DYTN: variants seen among roughly 807,000 people sequenced by gnomAD.
The protein encoded by DYTN is dystrotelin.
A neutral mutation model predicts 69.6 loss-of-function variants in DYTN; 75 were observed. That is an observed-to-expected ratio of 1.08 (90% CI 0.89 to 1.31). The LOEUF (loss-of-function observed/expected upper bound fraction) is 1.31. Among genes scored for constraint, DYTN ranks in the 50% most tolerant of loss-of-function variants. The probability of loss-of-function intolerance (pLI) is 0.00; values close to 1 mark genes in which losing one functional copy is unlikely to be tolerated. For synonymous variants in DYTN, 252 were observed against 249.1 expected, an observed-to-expected ratio of 1.01 and a Z score of -0.11; for missense variants, 726 against 688.4, an observed-to-expected ratio of 1.05 and a Z score of -0.61.
chr2:206,656,746 T>A lies in DYTN; in HGVS notation c.1634-4825A>T, dbSNP rs115892947. Among the ~76,000 whole-genome samples the A allele has an allele frequency of 8.5e-3, 1,279 of 151,180 alleles. 8 individuals are homozygous for A. Among genetic ancestry groups the A allele is most frequent in the Middle Eastern group, 0.051 (15 of 294 alleles). On this transcript the variant is annotated intron_variant, in intron 11 of 11. Coordinates refer to ENST00000452335, the MANE Select transcript of DYTN (RefSeq NM_001093730.1). ...AAAAAGTTTTCACTTTTAGTTCCCA[T>A]ACACTTTTCTAAATAGTCTTTTTTT... is the stretch of plus-strand genomic sequence containing the variant.
chr2:206,695,601 C>T (rs1183127000), intron 7 of DYTN, among the ~76,000 whole-genome samples: 4 of 152,150 alleles, frequency 2.6e-5, no homozygotes, highest in Non-Finnish European at 5.9e-5. Context: ...TCCCATAATA[C>T]TCAGGAAACT....
chr2:206,694,071 TG>T (rs1161141984), intron 8 of DYTN, among the ~76,000 whole-genome samples: 1 of 152,202 alleles, frequency 6.6e-6, no homozygotes, highest in Admixed American at 6.5e-5. Flanking sequence ...TTCGCTATTG[TG>T]GTATTTGAGG....
At chr2:206,714,656 C>T (rs1700110611) in intron 1 of DYTN, among the ~76,000 whole-genome samples, 1 of 150,512 alleles carries the variant, frequency 6.6e-6, no homozygotes, top group African/African-American at 2.5e-5. Flanking sequence ...GGAGGTGTTT[C>T]CAGGGCTGTC....
At position 206,705,868 on chromosome 2, in the gene DYTN, C is replaced by T. The variant is rs1700020120; in HGVS notation, c.302G>A (p.Gly101Glu). The T allele has an allele frequency of 1.9e-6, 3 of 1,613,510 alleles. No individual in the cohort carries two copies. Among genetic ancestry groups the T allele is most frequent in the African/African-American group, 1.3e-5 (1 of 74,896 alleles). ...SLLTTMYNSK[G>E]TGFLQLMPAA... ...AGGCATAAGCTGGAGAAAACCTGTT[C>T]CTTTGCTGCACAGTAACAAAATACA... is the stretch of plus-strand genomic sequence containing the variant. The change falls in exon 4 of 12, where the codon GGA becomes GAA. Residue 101 changes from glycine to glutamate, a missense_variant. By Grantham distance (98) the Gly-to-Glu change is moderately conservative. Transcript: ENST00000452335.
intron 5 of DYTN, among the ~76,000 whole-genome samples, chr2:206,703,554 T>C (rs1342809720): frequency 6.6e-6 from 1 of 152,184 alleles, no homozygotes; most frequent in Non-Finnish European, 1.5e-5. Flanking sequence ...AATATATAAA[T>C]GATGTTTGGA....
intron 9 of DYTN, among the ~76,000 whole-genome samples, chr2:206,669,971 C>G (rs1699612462): frequency 6.7e-6 from 1 of 148,488 alleles, no homozygotes; most frequent in African/African-American, 2.6e-5. Context: ...CAAAGGTCTT[C>G]CCTCAGGGGA....
At chr2:206,712,883 G>A (rs1700090257) in intron 1 of DYTN, among the ~76,000 whole-genome samples, 1 of 152,206 alleles carries the variant, frequency 6.6e-6, no homozygotes, top group Admixed American at 6.5e-5. Flanking sequence ...TGGGTTCAAG[G>A]ACTCTTGGTT....
intron 4 of DYTN, among the ~76,000 whole-genome samples, chr2:206,705,514 T>G (rs547919118): frequency 6.6e-6 from 1 of 152,360 alleles, no homozygotes; most frequent in African/African-American, 2.4e-5. Context: ...AACAGAAATG[T>G]GAGGATCCTC....
chr2:206,677,197 C>T (rs1356906592), intron 9 of DYTN, among the ~76,000 whole-genome samples: 1 of 152,194 alleles, frequency 6.6e-6, no homozygotes, highest in Non-Finnish European at 1.5e-5. Flanking sequence ...ATCTGCCTGC[C>T]TCAGCCTCCT....
chr2:206,679,729 A>G (rs1251907727), intron 9 of DYTN, among the ~76,000 whole-genome samples: 1 of 152,206 alleles, frequency 6.6e-6, no homozygotes, highest in Non-Finnish European at 1.5e-5. Context: ...ACATAACATT[A>G]TGCTTTCTAC....
chr2:206,690,764 ATAGT>A (rs1699854896), intron 9 of DYTN, among the ~76,000 whole-genome samples: 1 of 152,224 alleles, frequency 6.6e-6, no homozygotes, highest in Non-Finnish European at 1.5e-5. Context: ...CATTAATCAG[ATAGT>A]TAGATAAATA....
intron 5 of DYTN, 121 bp from the exon 6 acceptor site, chr2:206,700,337 G>T: frequency 4.9e-6 from 5 of 1,019,610 alleles, no homozygotes; most frequent in Non-Finnish European, 7.6e-6. Flanking sequence ...TATCTGAGAC[G>T]AGGTGAACTG....
intron 2 of DYTN, 113 bp from the exon 3 acceptor site, chr2:206,707,616 T>G: frequency 9.5e-7 from 1 of 1,052,282 alleles, no homozygotes; most frequent in Non-Finnish European, 1.4e-6. Context: ...GGTCGCTATT[T>G]TCTTTTAAGG....
intron 9 of DYTN, among the ~76,000 whole-genome samples, chr2:206,683,694 C>A (rs905869144): frequency 1.3e-5 from 2 of 152,004 alleles, no homozygotes; most frequent in Admixed American, 6.6e-5. Context: ...ATCATGCTAG[C>A]CCCCTTGCTG....
chr2:206,689,542 C>T (rs749802767), intron 9 of DYTN, among the ~76,000 whole-genome samples: 1 of 152,160 alleles, frequency 6.6e-6, no homozygotes, highest in Non-Finnish European at 1.5e-5. Context: ...AACTCATTGA[C>T]GTTTAGAGAA....
chr2:206,700,072 G>A, intron 6 of DYTN, 73 bp downstream of exon 6: 2 of 1,592,856 alleles, frequency 1.3e-6, no homozygotes, highest in Non-Finnish European at 1.7e-6. Flanking sequence ...GGTCTGTAAT[G>A]TAAATCAGTC....
At chr2:206,700,601 C>A (rs1374348143) in intron 5 of DYTN, among the ~76,000 whole-genome samples, 1 of 148,844 alleles carries the variant, frequency 6.7e-6, no homozygotes, top group Non-Finnish European at 1.5e-5. Context: ...AATATATATA[C>A]TTTTTTTTTT....
At chr2:206,693,718 C>T (rs1391258542) in intron 8 of DYTN, among the ~76,000 whole-genome samples, 1 of 152,210 alleles carries the variant, frequency 6.6e-6, no homozygotes, top group African/African-American at 2.4e-5. Flanking sequence ...CATACAATTT[C>T]AGTGGACTCA....
chr2:206,692,561 T>C (rs1387674813), intron 9 of DYTN, among the ~76,000 whole-genome samples: 1 of 152,196 alleles, frequency 6.6e-6, no homozygotes, highest in African/African-American at 2.4e-5. Flanking sequence ...TGCATAGAGA[T>C]GTTGACTCTA....
Sources: allele counts gnomAD v4.1 joint callset (sites outside exome capture counted in the v4.1 genomes callset), GRCh38; gene constraint gnomAD v4.1.1; transcripts MANE v1.5; gene names NCBI Gene and HGNC (gene_info 2026-07-23, HGNC 2026-07-21).